NR2C2: variants seen among roughly 807,000 people sequenced by gnomAD.
NR2C2 encodes Nuclear hormone receptor TR4.
NR2C2 carries 6 observed loss-of-function variants against 62.9 expected under a neutral mutation model. The observed-to-expected ratio is 0.10, with a 90% confidence interval of 0.05 to 0.19. NR2C2 has a LOEUF of 0.19. Among genes scored for constraint, NR2C2 ranks in the 10% least tolerant of loss-of-function variants. NR2C2 has a pLI of 1.00. For synonymous variants in NR2C2, 272 were observed against 273.8 expected (o/e 0.99, Z 0.07); for missense variants, 479 against 762.7 (o/e 0.63, Z 4.38).
chr3:15,030,206 T>C (rs2041943946), intron 8 of NR2C2, 69 bp from the exon 9 acceptor site: 2 of 1,299,690 alleles, frequency 1.5e-6, no homozygotes, highest in East Asian at 2.4e-5. Context: ...TTCTAAATCA[T>C]AGCTAGAATT....
At chr3:15,004,531 C>T (rs2041112578) in intron 2 of NR2C2, 2 of 1,595,080 alleles carry the variant, frequency 1.3e-6, no homozygotes, top group Non-Finnish European at 1.7e-6. Context: ...AATCGATATT[C>T]ACTTATGGGA....
intron 1 of NR2C2, among the ~76,000 whole-genome samples, chr3:14,961,905 A>G (rs2039698372): frequency 6.6e-6 from 1 of 152,186 alleles, no homozygotes; most frequent in South Asian, 2.1e-4. Flanking sequence ...TAGTGATAGT[A>G]TTTGCCTTTC....
chr3:15,029,844 T>C (rs74493177), intron 8 of NR2C2, among the ~76,000 whole-genome samples: 5 of 113,198 alleles, frequency 4.4e-5, no homozygotes, highest in Non-Finnish European at 7.5e-5. Flanking sequence ...TAGATAGATA[T>C]AGATAGACCC....
intron 12 of NR2C2, 29 bp downstream of exon 12, chr3:15,038,166 C>A (rs545427942): frequency 6.3e-7 from 1 of 1,588,040 alleles, no homozygotes. Flanking sequence ...ATGCATGACC[C>A]CTTTCCACCT....
intron 10 of NR2C2, among the ~76,000 whole-genome samples, chr3:15,033,011 C>T (rs1041216232): frequency 2.7e-5 from 4 of 145,626 alleles, no homozygotes; most frequent in Non-Finnish European, 6.0e-5. Context: ...GTGTATGTTT[C>T]TCCTCTAAAT....
chr3:15,001,318 G>GTTTTTTTTTTTTTTTTTTTTGGT (rs2040991688), intron 1 of NR2C2, among the ~76,000 whole-genome samples: 33 of 97,486 alleles, frequency 3.4e-4, no homozygotes, highest in East Asian at 6.1e-4. Flanking sequence ...TTTGTTTTGG[G>GTTTTTTTTTTTTTTTTTTTTGGT]TTTTTTTTTT....
chr3:14,951,292 A>AT (rs1213234016), intron 1 of NR2C2, among the ~76,000 whole-genome samples: 1 of 152,206 alleles, frequency 6.6e-6, no homozygotes, highest in Non-Finnish European at 1.5e-5. Flanking sequence ...AGATAAATTG[A>AT]TTCATTTAAT....
At position 15,013,756 on chromosome 3, in the gene NR2C2, C is replaced by T; in HGVS notation, c.240C>T (p.Thr80=). 1 of 1,614,224 alleles carries T rather than the reference C, an allele frequency of 6.2e-7. No homozygotes were observed. Among genetic ancestry groups the T allele is most frequent in the Non-Finnish European group, 8.5e-7 (1 of 1,180,028 alleles). ...ETSSAKQLIF[T]TSDNLVPGRI... ...CCAGCGCCAAGCAACTCATATTCAC[C>T]ACCTCAGACAACCTCGTCCCTGGCA... is the stretch of plus-strand genomic sequence containing the variant. The change falls in exon 3 of 14, where the codon ACC becomes ACT. Residue 80 remains threonine, a synonymous_variant. Coordinates refer to ENST00000425241, the MANE Select transcript of NR2C2 (RefSeq NM_001291694.2).
chr3:14,961,680 A>G (rs2039690634), intron 1 of NR2C2, among the ~76,000 whole-genome samples: 1 of 152,274 alleles, frequency 6.6e-6, no homozygotes, highest in African/African-American at 2.4e-5. Context: ...GACCCAGGAA[A>G]CTAGCACACT....
intron 2 of NR2C2, among the ~76,000 whole-genome samples, chr3:15,007,884 A>G (rs1303002949): frequency 6.6e-6 from 1 of 152,156 alleles, no homozygotes; most frequent in Non-Finnish European, 1.5e-5. Context: ...TTTTTCATAG[A>G]TATATAAATG....
At chr3:14,982,677 G>A (rs1043991766) in intron 1 of NR2C2, among the ~76,000 whole-genome samples, 2 of 151,784 alleles carry the variant, frequency 1.3e-5, no homozygotes, top group African/African-American at 2.4e-5. Context: ...TTGCTCTTAC[G>A]AATTCTAATA....
chr3:14,997,170 T>TA (rs778012126), intron 1 of NR2C2, among the ~76,000 whole-genome samples: 4 of 152,234 alleles, frequency 2.6e-5, no homozygotes, highest in African/African-American at 9.6e-5. Context: ...CACAGATACT[T>TA]ACCATTCTGT....
intron 8 of NR2C2, among the ~76,000 whole-genome samples, chr3:15,029,848 T>TAGATATAGATAGAC (rs1553571974): frequency 1.7e-4 from 24 of 145,312 alleles, no homozygotes; most frequent in African/African-American, 5.7e-4. Flanking sequence ...TAGATATAGA[T>TAGATATAGATAGAC]AGACCCCATC....
intron 10 of NR2C2, among the ~76,000 whole-genome samples, chr3:15,033,955 C>T (rs763641702): frequency 1.1e-4 from 16 of 152,174 alleles, no homozygotes; most frequent in Non-Finnish European, 1.9e-4. Flanking sequence ...TGCAGTAGCC[C>T]TGGTTCTCAC....
In NR2C2 at chr3:15,038,337, GC is replaced by G. The variant is rs562467225; in HGVS notation, c.1510+201del. On this transcript the variant is annotated intron_variant, in intron 12 of 13. Coordinates refer to ENST00000425241, the MANE Select transcript of NR2C2 (RefSeq NM_001291694.2). Reference sequence around the variant, plus strand: ...CTTTACAGCCCCAAAGAAATATGCTGCAGTGCCTGATGATGTCACGCACTGA... The same window carrying G: ...CTTTACAGCCCCAAAGAAATATGCTGAGTGCCTGATGATGTCACGCACTGA... 1.4e-3 allele frequency: 665 copies of G among 480,458 alleles called. 1 individual carries two copies. Among genetic ancestry groups the G allele is most frequent in the Non-Finnish European group, 1.9e-3 (538 of 276,202 alleles). The allele number at this position is 480,458 out of a possible 1,614,324, so 29.8% of individuals were successfully genotyped here. A position where few individuals can be genotyped will look rare whatever the true frequency, so the allele number is the denominator to read the frequency against.
intron 1 of NR2C2, among the ~76,000 whole-genome samples, chr3:14,968,813 T>C (rs1453009792): frequency 7.1e-6 from 1 of 139,936 alleles, no homozygotes; most frequent in Non-Finnish European, 1.5e-5. Flanking sequence ...CCATAAAAAA[T>C]GATGAGTTCA....
Position 15,028,543 on chromosome 3 carries a change from G to C in NR2C2, c.799-43G>C, listed in dbSNP as rs750862587. 3.0e-5 allele frequency: 47 copies of C among 1,588,950 alleles called. No homozygotes were observed. In the South Asian group the frequency reaches 3.2e-4, roughly 11 times the overall value. On this transcript the variant is annotated intron_variant, in intron 7 of 13. Transcript: ENST00000425241. ...CTTCATTGGCCTGAGAGTCATTTGC[G>C]TATCTGTGTTCATTTTTAATGTCAG...
chr3:15,046,212 TTTA>T lies in NR2C2; in HGVS notation c.*3206_*3208del, dbSNP rs1462046396. The T allele has an allele frequency of 2.6e-5, 4 of 152,242 alleles. No individual in the cohort carries two copies. The highest frequency in any genetic ancestry group is 5.9e-5 in the Non-Finnish European group (4 of 68,050). The allele number at this position is 152,242 out of a possible 1,614,324, so 9.4% of individuals were successfully genotyped here. ...TTGAGGTTCTTTTGCTGTTCTGGGC[TTTA>T]TATTTAATTTCAGGTGTAGTCACTT... On this transcript the variant is annotated 3_prime_UTR_variant, in exon 14 of 14. Transcript: ENST00000425241.
At chr3:15,019,032 A>T (rs1180791803) in intron 4 of NR2C2, among the ~76,000 whole-genome samples, 41 of 149,414 alleles carry the variant, frequency 2.7e-4, no homozygotes, top group Admixed American at 2.3e-3. Flanking sequence ...AAAAAAAAAA[A>T]AAAAAAAGAT....
Sources: allele counts gnomAD v4.1 joint callset (sites outside exome capture counted in the v4.1 genomes callset), GRCh38; gene constraint gnomAD v4.1.1; transcripts MANE v1.5; gene names NCBI Gene and HGNC (gene_info 2026-07-23, HGNC 2026-07-21).